The following NHS variants were observed in gnomAD, a reference collection of about 807,000 sequenced individuals.
NHS encodes the protein actin remodeling regulator NHS.
In NHS, 5 loss-of-function variants were observed where a neutral mutation model predicts 72.5. That is an observed-to-expected ratio of 0.07 (90% CI 0.04 to 0.14). The LOEUF is 0.14. Among genes scored for constraint, NHS ranks in the 10% least tolerant of loss-of-function variants. The probability of loss-of-function intolerance (pLI) is 1.00; values close to 1 mark genes in which losing one functional copy is unlikely to be tolerated. For missense variants in NHS, 1,072 were observed against 1,355.7 expected, an observed-to-expected ratio of 0.79 and a Z score of 3.29; for synonymous variants, 464 against 547.7, an observed-to-expected ratio of 0.85 and a Z score of 2.13.
Position 17,728,111 on chromosome X carries a change from T to A in NHS, c.4005T>A (p.Asp1335Glu). ...CAGACTCACCAACTAGAGCAACAGA[T>A]GTAAGCAATCAATTTAAGCATCAAT... ...SQSDSPTRAT[D>E]VSNQFKHQFV... Residue 1335 changes from aspartate to glutamate, a missense_variant, in exon 7 of 9, where the codon GAT becomes GAA. Asp to Glu is a conservative substitution (Grantham distance 45). Transcript: ENST00000676302. 8.3e-7 allele frequency: 1 copy of A among 1,211,785 alleles called. No individual in the cohort carries two copies. The highest frequency in any genetic ancestry group is 1.1e-6 in the Non-Finnish European group (1 of 895,493).
intron 1 of NHS, among the ~76,000 whole-genome samples, chrX:17,484,851 C>A (rs2064961012): frequency 9.0e-6 from 1 of 110,520 alleles, no homozygotes; most frequent in Non-Finnish European, 1.9e-5. Context: ...AATTACCTAG[C>A]CCTGGGAGGT....
intron 1 of NHS, among the ~76,000 whole-genome samples, chrX:17,569,881 G>T (rs2065466053): frequency 1.8e-5 from 2 of 112,015 alleles, no homozygotes; most frequent in Admixed American, 9.4e-5. Context: ...TCAGTTTTCT[G>T]CATATGACTA....
At chrX:17,492,748 A>C (rs192137380) in intron 1 of NHS, among the ~76,000 whole-genome samples, 1,131 of 111,677 alleles carry the variant, frequency 0.01, 16 homozygotes, top group African/African-American at 0.035. Flanking sequence ...AAAGTCTCCC[A>C]CTATTATTGT....
intron 1 of NHS, among the ~76,000 whole-genome samples, chrX:17,637,397 GGGT>G (rs1339111238): frequency 9.0e-6 from 1 of 111,424 alleles, no homozygotes; most frequent in East Asian, 2.8e-4. Context: ...GACTGGGCGG[GGGT>G]GGTGGTGGTG....
intron 1 of NHS, among the ~76,000 whole-genome samples, chrX:17,677,895 C>T (rs2147104383): frequency 8.9e-6 from 1 of 111,813 alleles, no homozygotes; most frequent in South Asian, 3.8e-4. Context: ...GCAGCCTCCA[C>T]CTCCCAGGCT....
intron 1 of NHS, among the ~76,000 whole-genome samples, chrX:17,561,572 GCGCACA>G (rs1400188787): frequency 1.8e-3 from 107 of 60,234 alleles, no homozygotes; most frequent in African/African-American, 5.8e-3. Context: ...GCGCGCGCGC[GCGCACA>G]CACACACACA....
At chrX:17,405,887 G>A (rs944701965) in intron 1 of NHS, among the ~76,000 whole-genome samples, 1 of 112,151 alleles carries the variant, frequency 8.9e-6, no homozygotes, top group African/African-American at 3.2e-5. Flanking sequence ...CATCCCTGAG[G>A]CCATGCTTCC....
intron 1 of NHS, among the ~76,000 whole-genome samples, chrX:17,420,724 A>G (rs1165355046): frequency 8.9e-6 from 1 of 112,317 alleles, no homozygotes; most frequent in Non-Finnish European, 1.9e-5. Context: ...CCAAGCAAGG[A>G]GACAGACCAC....
Position 17,375,892 on chromosome X carries a change from C to G in NHS, c.135C>G (p.Asp45Glu). ...PPPLQPPGRRDLDEVEAPGPE... is the reference protein window; with the variant it reads ...PPPLQPPGRRELDEVEAPGPE... ...CCTTGCAGCCGCCGGGCCGGAGGGA[C>G]CTGGACGAGGTCGAGGCGCCAGGGC... Residue 45 changes from aspartate (D) to glutamate (E), a missense_variant, in exon 1 of 9, where the codon GAC becomes GAG. Transcript: ENST00000676302. 1 of 1,102,912 alleles carries G rather than the reference C, an allele frequency of 9.1e-7. No homozygotes were observed. The highest frequency in any genetic ancestry group is 1.2e-6 in the Non-Finnish European group (1 of 850,305). 90.9% of individuals were successfully genotyped at this position (1,102,912 alleles called of 1,213,427 possible). A position where few individuals can be genotyped will look rare whatever the true frequency, so the allele number is the denominator to read the frequency against.
intron 1 of NHS, among the ~76,000 whole-genome samples, chrX:17,454,963 C>A (rs1048504152): frequency 8.9e-6 from 1 of 111,737 alleles, no homozygotes; most frequent in Admixed American, 9.5e-5. Flanking sequence ...AGCAGGGTTC[C>A]TGTTGGTTTC....
intron 1 of NHS, among the ~76,000 whole-genome samples, chrX:17,581,996 G>C (rs1002048717): frequency 1.8e-5 from 2 of 111,688 alleles, no homozygotes; most frequent in Admixed American, 1.9e-4. Context: ...AAGTCACCAA[G>C]GGCCCTGCCT....
rs183040833 is a variant in NHS, at chrX:17,616,901, C to T, written c.566-70841C>T. Among the ~76,000 whole-genome samples, 1,117 of 112,076 alleles carry T rather than the reference C, an allele frequency of 1.0e-2. 5 individuals carry two copies. The highest frequency in any genetic ancestry group is 0.016 in the Non-Finnish European group (845 of 53,225). The stretch of plus-strand genomic sequence containing the variant: ...CACATGTGACTAGTAGCAATTGTTT[C>T]GGGGCATACAGTCTTAGGGCACAAA... On this transcript the variant is annotated intron_variant, in intron 1 of 8. Coordinates refer to ENST00000676302, the MANE Select transcript of NHS (RefSeq NM_001291867.2).
chrX:17,449,752 G>C (rs2064797668), intron 1 of NHS, among the ~76,000 whole-genome samples: 1 of 112,085 alleles, frequency 8.9e-6, no homozygotes, highest in Non-Finnish European at 1.9e-5. Flanking sequence ...CTCTTAATCT[G>C]TAAGAACCAG....
chrX:17,587,983 A>G (rs938639687), intron 1 of NHS, among the ~76,000 whole-genome samples: 8 of 112,315 alleles, frequency 7.1e-5, no homozygotes, highest in Non-Finnish European at 1.3e-4. Context: ...ACAGAATACC[A>G]TAGTAATGGT....
chrX:17,718,053 C>A (rs1043583621), intron 3 of NHS, among the ~76,000 whole-genome samples: 1 of 111,105 alleles, frequency 9.0e-6, no homozygotes, highest in Admixed American at 9.6e-5. Context: ...TAGTAGCTGG[C>A]ACTAATGTAC....
In NHS at chrX:17,402,320, G is replaced by C. The variant is rs188094862; in HGVS notation, c.565+25998G>C. On this transcript the variant is annotated intron_variant, in intron 1 of 8. Coordinates refer to ENST00000676302, the MANE Select transcript of NHS (RefSeq NM_001291867.2). ...TTCACTCCTAAATATATATACAAGA[G>C]ATCTGAAAACATATTCTCACACAAA... Among the ~76,000 whole-genome samples the C allele has an allele frequency of 4.3e-3, 475 of 111,725 alleles. 3 individuals are homozygous for C. The highest frequency in any genetic ancestry group is 0.015 in the African/African-American group (451 of 30,766).
At chrX:17,629,302 C>G (rs1375205501) in intron 1 of NHS, among the ~76,000 whole-genome samples, 1 of 112,037 alleles carries the variant, frequency 8.9e-6, no homozygotes, top group African/African-American at 3.2e-5. Context: ...AAATTAATCA[C>G]AAAAGCAAAG....
At chrX:17,446,754 C>T (rs1418112538) in intron 1 of NHS, among the ~76,000 whole-genome samples, 2 of 110,755 alleles carry the variant, frequency 1.8e-5, no homozygotes, top group East Asian at 2.8e-4. Flanking sequence ...GTATATCCTT[C>T]GGGTTTTGTT....
intron 1 of NHS, among the ~76,000 whole-genome samples, chrX:17,418,601 A>G (rs1472080787): frequency 8.9e-6 from 1 of 112,084 alleles, no homozygotes; most frequent in African/African-American, 3.2e-5. Context: ...CTTTGCAGAA[A>G]AGATAAATCT....
Sources: allele counts gnomAD v4.1 joint callset (sites outside exome capture counted in the v4.1 genomes callset), GRCh38; gene constraint gnomAD v4.1.1; transcripts MANE v1.5; gene names NCBI Gene and HGNC (gene_info 2026-07-23, HGNC 2026-07-21).